The following CNTN5 variants were observed in gnomAD, a reference collection of about 807,000 sequenced individuals.
The protein encoded by CNTN5 is contactin-5.
A neutral mutation model predicts 129.1 loss-of-function variants in CNTN5; 77 were observed. The ratio of observed to expected loss-of-function variants is 0.60; its 90% confidence interval spans 0.50 to 0.72. The LOEUF is 0.72. Ranked by LOEUF, CNTN5 falls within the 30% of genes least tolerant of loss-of-function variation. The pLI, the probability that CNTN5 is intolerant of heterozygous loss-of-function variation, is 0.00. For synonymous variants in CNTN5, 509 were observed against 465.6 expected, an observed-to-expected ratio of 1.09 and a Z score of -1.20; for missense variants, 1,478 against 1,328.8, an observed-to-expected ratio of 1.11 and a Z score of -1.75.
Position 100,327,553 on chromosome 11 carries a change from A to G in CNTN5, c.2731-12910A>G, listed in dbSNP as rs1199172501. 2.0e-5 allele frequency among the ~76,000 whole-genome samples: 3 copies of G among 152,152 alleles called. No individual in the cohort carries two copies. In the South Asian group the frequency reaches 6.2e-4, roughly 31 times the overall value. On this transcript the variant is annotated intron_variant, in intron 21 of 24. Transcript: ENST00000524871. ...GATCTGTATCAATATATAGCTTCCC[A>G]TAAACCTCTGATCAAAACCCGAGTT...
chr11:99,967,390 G>A (rs564567657), intron 8 of CNTN5, among the ~76,000 whole-genome samples: 85 of 152,172 alleles, frequency 5.6e-4, no homozygotes, highest in African/African-American at 2.0e-3. Context: ...TAGGTACAGG[G>A]GATACAATGG....
At chr11:99,224,083 T>A (rs1279291505) in intron 1 of CNTN5, among the ~76,000 whole-genome samples, 1 of 152,124 alleles carries the variant, frequency 6.6e-6, no homozygotes, top group Non-Finnish European at 1.5e-5. Context: ...CCCATCACAA[T>A]TGGAACAATA....
intron 8 of CNTN5, among the ~76,000 whole-genome samples, chr11:99,985,707 T>G (rs1938628617): frequency 6.6e-6 from 1 of 152,180 alleles, no homozygotes; most frequent in South Asian, 2.1e-4. Flanking sequence ...CTAAAACATT[T>G]AGACATTAGT....
intron 3 of CNTN5, among the ~76,000 whole-genome samples, chr11:99,746,297 T>C (rs1944054114): frequency 6.6e-6 from 1 of 152,222 alleles, no homozygotes; most frequent in Non-Finnish European, 1.5e-5. Flanking sequence ...TGCTTGTGGA[T>C]ATCTAGTTTT....
At chr11:99,109,518 C>G (rs947684164) in intron 1 of CNTN5, among the ~76,000 whole-genome samples, 1 of 152,068 alleles carries the variant, frequency 6.6e-6, no homozygotes, top group Non-Finnish European at 1.5e-5. Context: ...GTTGCAACTG[C>G]CTCTTTAAAC....
At position 100,071,904 on chromosome 11, in the gene CNTN5, T is replaced by C. The variant is rs1410075133; in HGVS notation, c.1429+70T>C. ...TCTTTTCATGCTCTAATTTTTACTATACTGAAGGTTTATGATGTGGTTGTA... is the reference window on the plus strand; with the variant it reads ...TCTTTTCATGCTCTAATTTTTACTACACTGAAGGTTTATGATGTGGTTGTA... On this transcript the variant is annotated intron_variant, in intron 12 of 24. Transcript: ENST00000524871. 2.3e-5 allele frequency: 31 copies of C among 1,319,508 alleles called. No individual in the cohort carries two copies. The South Asian group carries it at 3.3e-4, about 14-fold the overall frequency. The allele number at this position is 1,319,508 out of a possible 1,614,324, so 81.7% of individuals were successfully genotyped here. A position where few individuals can be genotyped will look rare whatever the true frequency, so the allele number is the denominator to read the frequency against.
intron 9 of CNTN5, among the ~76,000 whole-genome samples, chr11:100,039,057 C>G (rs1288042535): frequency 6.6e-6 from 1 of 152,154 alleles, no homozygotes; most frequent in Admixed American, 6.5e-5. Context: ...CAGTTTCTTC[C>G]TAGCCTTGAT....
intron 13 of CNTN5, among the ~76,000 whole-genome samples, chr11:100,100,307 T>A (rs540132175): frequency 1.3e-5 from 2 of 152,214 alleles, no homozygotes; most frequent in South Asian, 4.1e-4. Flanking sequence ...ACCAAACACA[T>A]AATAGGTGCT....
At chr11:99,445,589 C>T (rs917280913) in intron 2 of CNTN5, among the ~76,000 whole-genome samples, 4 of 152,048 alleles carry the variant, frequency 2.6e-5, no homozygotes, top group African/African-American at 9.7e-5. Flanking sequence ...ATTTTTCTTG[C>T]ATTCTTTACA....
intron 13 of CNTN5, among the ~76,000 whole-genome samples, chr11:100,108,795 A>G (rs1445456935): frequency 2.6e-5 from 4 of 151,914 alleles, no homozygotes; most frequent in Non-Finnish European, 5.9e-5. Flanking sequence ...ATAAGAGTGC[A>G]ATGTATATTT....
intron 4 of CNTN5, among the ~76,000 whole-genome samples, chr11:99,833,728 C>T (rs1174706079): frequency 6.6e-6 from 1 of 152,094 alleles, no homozygotes; most frequent in Non-Finnish European, 1.5e-5. Context: ...ATGGGGCTTC[C>T]AGAGTCATAA....
At chr11:100,041,391 C>G (rs1010979618) in intron 9 of CNTN5, among the ~76,000 whole-genome samples, 2 of 152,186 alleles carry the variant, frequency 1.3e-5, no homozygotes, top group African/African-American at 4.8e-5. Context: ...TCCCCATTGT[C>G]AACTCCAGGT....
chr11:99,993,432 C>G (rs1939248326), intron 8 of CNTN5, among the ~76,000 whole-genome samples: 1 of 152,070 alleles, frequency 6.6e-6, no homozygotes, highest in Non-Finnish European at 1.5e-5. Flanking sequence ...TGGTTCCCAA[C>G]CATTTTGGCA....
chr11:99,777,605 T>A (rs887056015), intron 3 of CNTN5, among the ~76,000 whole-genome samples: 22 of 151,856 alleles, frequency 1.4e-4, no homozygotes, highest in Non-Finnish European at 3.1e-4. Flanking sequence ...TAAAAAAAAT[T>A]GTTCTTGACA....
chr11:100,081,304 G>A (rs553287193), intron 13 of CNTN5, among the ~76,000 whole-genome samples: 23 of 152,216 alleles, frequency 1.5e-4, no homozygotes, highest in South Asian at 1.0e-3. Context: ...AGGAATCACC[G>A]TTTCATATAG....
intron 3 of CNTN5, among the ~76,000 whole-genome samples, chr11:99,726,945 A>G (rs1468339500): frequency 6.6e-6 from 1 of 152,176 alleles, no homozygotes; most frequent in African/African-American, 2.4e-5. Flanking sequence ...TACATAAAAG[A>G]TAATAGAAAC....
At chr11:100,058,051 A>T (rs1165186346) in intron 9 of CNTN5, among the ~76,000 whole-genome samples, 1 of 152,116 alleles carries the variant, frequency 6.6e-6, no homozygotes, top group East Asian at 1.9e-4. Flanking sequence ...CCTACACTTA[A>T]CTACTAGAAT....
intron 2 of CNTN5, among the ~76,000 whole-genome samples, chr11:99,553,162 A>C (rs149834756): frequency 7.5e-4 from 115 of 152,318 alleles, no homozygotes; most frequent in African/African-American, 2.5e-3. Flanking sequence ...CAGAAAGTAC[A>C]TATTCTAAGA....
At chr11:99,106,507 A>G (rs1867003867) in intron 1 of CNTN5, among the ~76,000 whole-genome samples, 1 of 151,932 alleles carries the variant, frequency 6.6e-6, no homozygotes, top group Non-Finnish European at 1.5e-5. Context: ...TCCTATAATT[A>G]TTTTCTTAAG....
Sources: allele counts gnomAD v4.1 joint callset (sites outside exome capture counted in the v4.1 genomes callset), GRCh38; gene constraint gnomAD v4.1.1; transcripts MANE v1.5; gene names NCBI Gene and HGNC (gene_info 2026-07-23, HGNC 2026-07-21).